Variants in TTYH2 observed in about 807,000 individuals in gnomAD.
The protein encoded by TTYH2 is tweety family member 2.
A neutral mutation model predicts 68.3 loss-of-function variants in TTYH2; 49 were observed. The observed-to-expected ratio is 0.72, with a 90% CI of 0.57 to 0.91. TTYH2 has a LOEUF of 0.91. TTYH2 is among the 40% of genes least tolerant of loss of function. TTYH2 has a pLI of 0.00. For synonymous variants in TTYH2, 272 were observed against 300.8 expected (o/e 0.90, Z 0.99); for missense variants, 631 against 700.4 (o/e 0.90, Z 1.12).
In TTYH2 at chr17:74,222,466, G is replaced by A. The variant is rs778603014; in HGVS notation, c.130-19G>A. 4 of 1,599,028 alleles carry A rather than the reference G, an allele frequency of 2.5e-6. No individual in the cohort carries two copies. Among genetic ancestry groups the A allele is most frequent in the Non-Finnish European group, 3.4e-6 (4 of 1,175,088 alleles). On this transcript the variant is annotated intron_variant, in intron 1 of 13. Coordinates refer to ENST00000269346, the MANE Select transcript of TTYH2 (RefSeq NM_032646.6). This position sits in a 1 kb window ranked among gnomAD's most constrained non-coding sequence, Gnocchi z 5.2. ...ACTGCAGGGATGAAGAGTGACAACA[G>A]GCCTCTGCTCTCTTCCAGTCGCTGC...
chr17:74,249,173 C>T, intron 7 of TTYH2, 93 bp downstream of exon 7: 1 of 1,578,280 alleles, frequency 6.3e-7, no homozygotes, highest in Non-Finnish European at 8.7e-7. Flanking sequence ...GCCATCCAAC[C>T]CCTCCTCAAC....
intron 6 of TTYH2, 40 bp from the exon 7 acceptor site, chr17:74,248,971 C>G: frequency 6.2e-7 from 1 of 1,613,730 alleles, no homozygotes; most frequent in Non-Finnish European, 8.5e-7. Context: ...TGTCCTGATA[C>G]CTGATTTTCC....
chr17:74,256,464 G>C (rs1409709563), intron 13 of TTYH2, among the ~76,000 whole-genome samples: 2 of 152,054 alleles, frequency 1.3e-5, no homozygotes, highest in African/African-American at 4.8e-5. Flanking sequence ...TAGCAAGCCT[G>C]CTGGAACCAA....
At chr17:74,244,884 T>TGTGTGTGTGTGTG (rs1567818120) in intron 6 of TTYH2, among the ~76,000 whole-genome samples, 2 of 120,962 alleles carry the variant, frequency 1.7e-5, no homozygotes, top group African/African-American at 7.7e-5. Context: ...GTGTGTGTGT[T>TGTGTGTGTGTGTG]TGTGTGTGTG....
chr17:74,221,771 C>T (rs1000682804), intron 1 of TTYH2, among the ~76,000 whole-genome samples: 1 of 152,178 alleles, frequency 6.6e-6, no homozygotes, highest in African/African-American at 2.4e-5. Flanking sequence ...CTGCCTCTGG[C>T]ACTGGAGGTT....
intron 13 of TTYH2, among the ~76,000 whole-genome samples, chr17:74,255,486 C>A (rs569388256): frequency 1.3e-5 from 2 of 151,830 alleles, no homozygotes; most frequent in Admixed American, 1.3e-4. Flanking sequence ...GAGTCTCACT[C>A]TTCTGCCCAG....
chr17:74,223,297 G>T (rs1296967050), intron 2 of TTYH2, among the ~76,000 whole-genome samples: 1 of 143,596 alleles, frequency 7.0e-6, no homozygotes, highest in Non-Finnish European at 1.5e-5. Context: ...GGGGGCGGGG[G>T]GTGGGCGGGG....
rs1359404016 is a variant in TTYH2, at chr17:74,243,532, G to A, written c.731+63G>A. 6.4e-6 allele frequency: 10 copies of A among 1,560,670 alleles called. No individual in the cohort carries two copies. In the East Asian group the frequency reaches 1.8e-4, roughly 28 times the overall value. ...GGGCAGGATGCCATCATCAGAGAGAGACGAGGGCCTGGCCAGCTCCAGAGT... is the reference window on the plus strand; with the variant it reads ...GGGCAGGATGCCATCATCAGAGAGAAACGAGGGCCTGGCCAGCTCCAGAGT... On this transcript the variant is annotated intron_variant, in intron 5 of 13. Coordinates refer to ENST00000269346, the MANE Select transcript of TTYH2 (RefSeq NM_032646.6).
intron 1 of TTYH2, among the ~76,000 whole-genome samples, chr17:74,221,964 C>G (rs1008494833): frequency 6.6e-6 from 1 of 152,206 alleles, no homozygotes; most frequent in Non-Finnish European, 1.5e-5. Context: ...ACAGCGGGGT[C>G]CTTGCATGGA....
intron 6 of TTYH2, 99 bp from the exon 7 acceptor site, chr17:74,248,912 A>G: frequency 6.3e-7 from 1 of 1,578,834 alleles, no homozygotes. Flanking sequence ...CCTGGGAGGG[A>G]GCTCAAGGGG....
chr17:74,254,511 C>T (rs1201164904), intron 13 of TTYH2, among the ~76,000 whole-genome samples: 1 of 152,206 alleles, frequency 6.6e-6, no homozygotes, highest in African/African-American at 2.4e-5. Context: ...CTCCTATTTC[C>T]GTGACAATCA....
At position 74,217,757 on chromosome 17, in the gene TTYH2, G is replaced by A. The variant is rs559542086; in HGVS notation, c.129+4041G>A. The stretch of plus-strand genomic sequence containing the variant: ...GCCCCCTCCCCTGCCCAGTGCAGAA[G>A]CCCCTTGGGTCCCGCTGCCATGGTC... On this transcript the variant is annotated intron_variant, in intron 1 of 13. Transcript: ENST00000269346. This position sits in a 1 kb window ranked among gnomAD's most constrained non-coding sequence, Gnocchi z 4.0. 2.6e-5 allele frequency among the ~76,000 whole-genome samples: 4 copies of A among 152,348 alleles called. No individual in the cohort carries two copies. Among genetic ancestry groups the A allele is most frequent in the South Asian group, 2.1e-4 (1 of 4,824 alleles).
At chr17:74,257,737 T>A (rs1235111373) in intron 13 of TTYH2, among the ~76,000 whole-genome samples, 2 of 152,230 alleles carry the variant, frequency 1.3e-5, no homozygotes, top group Admixed American at 6.5e-5. Context: ...CCAGGGCAGT[T>A]AAAGATACTG....
chr17:74,228,766 C>T (rs1328744234), intron 2 of TTYH2, among the ~76,000 whole-genome samples: 4 of 152,274 alleles, frequency 2.6e-5, no homozygotes, highest in Non-Finnish European at 4.4e-5. Context: ...GGACCTAAGG[C>T]ATGACCCCTG....
intron 13 of TTYH2, among the ~76,000 whole-genome samples, chr17:74,254,397 A>G (rs4789048): frequency 0.42 from 63,331 of 151,960 alleles, 13,866 homozygotes; most frequent in African/African-American, 0.53. Flanking sequence ...CAAACTTCTG[A>G]CCTCAGGTGA....
At chr17:74,244,100 A>G (rs760379421) in intron 6 of TTYH2, 51 bp downstream of exon 6, 2 of 1,559,486 alleles carry the variant, frequency 1.3e-6, no homozygotes, top group African/African-American at 1.4e-5. Flanking sequence ...CTGCCAGGAC[A>G]CTCTGGTGTG....
chr17:74,253,073 T>G lies in TTYH2; in HGVS notation c.1260-8T>G, dbSNP rs779299618. 21 of 1,613,278 alleles carry G rather than the reference T, an allele frequency of 1.3e-5. No homozygotes were observed. Among genetic ancestry groups the G allele is most frequent in the Middle Eastern group, 1.6e-4 (1 of 6,076 alleles). The stretch of plus-strand genomic sequence containing the variant: ...TCACAGCCGGCCATCTTCTACCCAT[T>G]GTTCTAGAAACAGAGACTACGATGA... On this transcript the variant is annotated splice_region_variant and splice_polypyrimidine_tract_variant and intron_variant, in intron 11 of 13. Transcript: ENST00000269346.
intron 1 of TTYH2, among the ~76,000 whole-genome samples, chr17:74,221,822 G>T (rs1281648158): frequency 6.6e-6 from 1 of 152,170 alleles, no homozygotes; most frequent in Non-Finnish European, 1.5e-5. Context: ...GACTCCAGAA[G>T]TTGCATATCC....
rs757659192 is a variant in TTYH2 at position 74,215,013 on chromosome 17, G to A, written c.129+1297G>A. 2.6e-5 allele frequency among the ~76,000 whole-genome samples: 4 copies of A among 152,128 alleles called. No homozygotes were observed. The highest frequency in any genetic ancestry group is 5.9e-5 in the Non-Finnish European group (4 of 68,010). On this transcript the variant is annotated intron_variant, in intron 1 of 13. Transcript: ENST00000269346. This position sits in a 1 kb window ranked among gnomAD's most constrained non-coding sequence, Gnocchi z 4.3. ...TTCCTGGGGTTCAGTGGGCACTCAGGAGCAAGACGGCAGTCGGTGGACCCA... is the reference window on the plus strand; with the variant it reads ...TTCCTGGGGTTCAGTGGGCACTCAGAAGCAAGACGGCAGTCGGTGGACCCA...
Sources: gnomAD v4.1 joint callset for allele counts (sites outside exome capture counted in the v4.1 genomes callset) on GRCh38, gnomAD v4.1.1 for gene constraint, Gnocchi (gnomAD v3.1) non-coding constraint, MANE v1.5 for transcripts, NCBI Gene and HGNC (gene_info 2026-07-23, HGNC 2026-07-21) for gene names.